COL24A1: variants seen among roughly 807,000 people sequenced by gnomAD.
COL24A1 encodes collagen alpha-1(XXIV) chain.
COL24A1 carries 224 observed loss-of-function variants against 253.9 expected under a neutral mutation model. That is an observed-to-expected ratio of 0.88 (90% CI 0.79 to 0.99). COL24A1 has a LOEUF of 0.99. Ranked by LOEUF, COL24A1 falls within the 50% of genes least tolerant of loss-of-function variation. COL24A1 has a pLI of 0.00. For missense variants in COL24A1, 2,131 were observed against 2,068.5 expected (o/e 1.03, Z -0.59); for synonymous variants, 685 against 673.7 (o/e 1.02, Z -0.26).
At chr1:86,129,810 A>G (rs142005443) in intron 2 of COL24A1, among the ~76,000 whole-genome samples, 5 of 151,910 alleles carry the variant, frequency 3.3e-5, no homozygotes, top group Non-Finnish European at 7.4e-5. Flanking sequence ...TAAGTGGTCA[A>G]TTTTCAATAA....
intron 20 of COL24A1, 55 bp from the exon 21 acceptor site, chr1:85,971,448 G>T: frequency 7.3e-7 from 1 of 1,377,450 alleles, no homozygotes; most frequent in Non-Finnish European, 1.0e-6. Context: ...CTGACATTTT[G>T]ATAAATCAGC....
At chr1:86,033,954 A>G in intron 12 of COL24A1, 31 bp from the exon 13 acceptor site, 3 of 1,502,142 alleles carry the variant, frequency 2.0e-6, no homozygotes, top group Non-Finnish European at 8.9e-7. Flanking sequence ...GAATGCCAAC[A>G]TATATAAATA....
At chr1:85,860,850 C>T (rs772922958) in intron 37 of COL24A1, among the ~76,000 whole-genome samples, 70 of 152,212 alleles carry the variant, frequency 4.6e-4, no homozygotes, top group Non-Finnish European at 8.1e-4. Context: ...ACCATGTACT[C>T]GTACACCATT....
At chr1:85,946,073 T>C (rs1455283402) in intron 24 of COL24A1, among the ~76,000 whole-genome samples, 1 of 152,172 alleles carries the variant, frequency 6.6e-6, no homozygotes, top group Non-Finnish European at 1.5e-5. Context: ...GTGCAAACAA[T>C]ATAGTTTATG....
chr1:85,910,425 T>C (rs1249785126), intron 25 of COL24A1, among the ~76,000 whole-genome samples: 3 of 151,922 alleles, frequency 2.0e-5, no homozygotes, highest in Non-Finnish European at 4.4e-5. Flanking sequence ...TATTTTATAG[T>C]CTGCCTACCA....
chr1:85,821,033 G>C (rs908731872), intron 45 of COL24A1, among the ~76,000 whole-genome samples: 4 of 152,142 alleles, frequency 2.6e-5, no homozygotes, highest in African/African-American at 7.2e-5. Context: ...AGAGAGTTAA[G>C]CAAAAATTAT....
chr1:85,807,557 A>G (rs907672539), intron 47 of COL24A1, among the ~76,000 whole-genome samples: 7 of 152,190 alleles, frequency 4.6e-5, no homozygotes, highest in African/African-American at 7.2e-5. Flanking sequence ...AATTGAATAT[A>G]CCATAGTGTA....
intron 19 of COL24A1, among the ~76,000 whole-genome samples, chr1:85,997,818 T>C (rs1376233810): frequency 6.6e-6 from 1 of 151,826 alleles, no homozygotes; most frequent in Non-Finnish European, 1.5e-5. Flanking sequence ...TGGAGTCTCC[T>C]AAGAACTTTT....
chr1:85,803,084 A>G (rs543650022), intron 47 of COL24A1, among the ~76,000 whole-genome samples: 11 of 152,332 alleles, frequency 7.2e-5, no homozygotes, highest in African/African-American at 2.4e-4. Flanking sequence ...TAGGAATAGA[A>G]TGGCTGGGTT....
rs1691838216 is a variant in COL24A1 at position 85,968,926 on chromosome 1, C to T, written c.2463+1301G>A. Reference sequence around the variant, plus strand: ...TGATTTTGAGAGTGTTATACTTGAACATCTAATACTAAAATCTTATTTTCA... The same window carrying T: ...TGATTTTGAGAGTGTTATACTTGAATATCTAATACTAAAATCTTATTTTCA... On this transcript the variant is annotated intron_variant, in intron 22 of 59. Transcript: ENST00000370571. Among the ~76,000 whole-genome samples the T allele has an allele frequency of 2.0e-5, 3 of 152,240 alleles. No individual in the cohort carries two copies. In the South Asian group the frequency reaches 6.2e-4, roughly 32 times the overall value.
chr1:85,840,231 C>T (rs1676450092), intron 42 of COL24A1, among the ~76,000 whole-genome samples: 1 of 152,110 alleles, frequency 6.6e-6, no homozygotes, highest in Admixed American at 6.5e-5. Context: ...TACTATACTC[C>T]TTTTGCCAAG....
chr1:86,051,802 T>C (rs1181758414), intron 10 of COL24A1, among the ~76,000 whole-genome samples: 1 of 152,104 alleles, frequency 6.6e-6, no homozygotes, highest in Non-Finnish European at 1.5e-5. Flanking sequence ...GATAGACAAA[T>C]GTTAACCACT....
intron 53 of COL24A1, among the ~76,000 whole-genome samples, chr1:85,766,034 TA>T (rs1304950482): frequency 6.6e-6 from 1 of 152,008 alleles, no homozygotes; most frequent in African/African-American, 2.4e-5. Flanking sequence ...TAGGTTTCCT[TA>T]GGATGCCATA....
At chr1:86,090,922 G>A (rs998591826) in intron 6 of COL24A1, among the ~76,000 whole-genome samples, 4 of 152,002 alleles carry the variant, frequency 2.6e-5, no homozygotes, top group African/African-American at 7.2e-5. Flanking sequence ...AGAAGCCACA[G>A]GGAAAGATAA....
chr1:86,035,328 A>G (rs539715528), intron 12 of COL24A1, among the ~76,000 whole-genome samples: 4 of 152,324 alleles, frequency 2.6e-5, no homozygotes, highest in African/African-American at 9.6e-5. Flanking sequence ...GCTAACATGG[A>G]TACTTGAAAG....
intron 2 of COL24A1, among the ~76,000 whole-genome samples, chr1:86,132,520 T>A (rs1649427510): frequency 6.6e-6 from 1 of 152,202 alleles, no homozygotes; most frequent in African/African-American, 2.4e-5. Context: ...AAGTCTTTAA[T>A]CCATCTTGAA....
At chr1:85,785,832 T>G (rs910545095) in intron 48 of COL24A1, among the ~76,000 whole-genome samples, 9 of 152,212 alleles carry the variant, frequency 5.9e-5, no homozygotes, top group Admixed American at 2.6e-4. Flanking sequence ...CAATCCTGTA[T>G]GAGATATTTC....
chr1:86,103,116 C>A (rs779693556), intron 5 of COL24A1, among the ~76,000 whole-genome samples: 2 of 152,116 alleles, frequency 1.3e-5, no homozygotes, highest in Non-Finnish European at 2.9e-5. Context: ...TTGAATTGAA[C>A]CTTTTACCAT....
At chr1:85,786,320 A>T in intron 48 of COL24A1, 34 bp downstream of exon 48, 1 of 1,580,812 alleles carries the variant, frequency 6.3e-7, no homozygotes, top group Non-Finnish European at 8.7e-7. Context: ...GATGGCCAAT[A>T]CTGCTTACCC....
Sources: allele counts gnomAD v4.1 joint callset (sites outside exome capture counted in the v4.1 genomes callset), GRCh38; gene constraint gnomAD v4.1.1; transcripts MANE v1.5; gene names NCBI Gene and HGNC (gene_info 2026-07-23, HGNC 2026-07-21).